Variants in TM7SF3 observed in about 807,000 individuals in gnomAD.
TM7SF3 encodes seven span transmembrane protein.
In TM7SF3, 60 loss-of-function variants were observed where a neutral mutation model predicts 65.5. The observed-to-expected ratio is 0.92, with a 90% CI of 0.74 to 1.14. TM7SF3 has a LOEUF of 1.14. Ranked by LOEUF, TM7SF3 falls within the 50% of genes most tolerant of loss-of-function variation. The pLI is 0.00. For missense variants in TM7SF3, 623 were observed against 684.8 expected, an observed-to-expected ratio of 0.91 and a Z score of 1.01; for synonymous variants, 264 against 259.6, an observed-to-expected ratio of 1.02 and a Z score of -0.16.
intron 9 of TM7SF3, chr12:26,978,295 C>T: frequency 5.9e-6 from 1 of 170,848 alleles, no homozygotes; most frequent in Admixed American, 6.4e-5. Context: ...AATTAAGAGA[C>T]CTCTTTATTT....
chr12:26,999,038 A>G (rs1940717611), intron 3 of TM7SF3, among the ~76,000 whole-genome samples: 1 of 152,220 alleles, frequency 6.6e-6, no homozygotes, highest in African/African-American at 2.4e-5. Flanking sequence ...TCGAATGAAT[A>G]AACATGTTCT....
At position 26,999,256 on chromosome 12, in the gene TM7SF3, C is replaced by A. The variant is rs990311737; in HGVS notation, c.397+270G>T. On this transcript the variant is annotated intron_variant, in intron 3 of 11. Coordinates refer to ENST00000343028, the MANE Select transcript of TM7SF3 (RefSeq NM_016551.3). Reference sequence around the variant, plus strand: ...CTAAAAATACAAAAAATTAGCTGGGCCTGGTGGCGGGCGCCTGTAATCCCA... The same window carrying A: ...CTAAAAATACAAAAAATTAGCTGGGACTGGTGGCGGGCGCCTGTAATCCCA... 2.6e-5 allele frequency among the ~76,000 whole-genome samples: 4 copies of A among 151,938 alleles called. 1 individual carries two copies. Among genetic ancestry groups the A allele is most frequent in the Admixed American group, 2.0e-4 (3 of 15,238 alleles).
chr12:26,989,898 A>G lies in TM7SF3; in HGVS notation c.868+552T>C, dbSNP rs185750925. Among the ~76,000 whole-genome samples the G allele has an allele frequency of 1.9e-3, 293 of 152,320 alleles. 1 individual carries two copies. Among genetic ancestry groups the G allele is most frequent in the African/African-American group, 6.8e-3 (281 of 41,572 alleles). On this transcript the variant is annotated intron_variant, in intron 6 of 11. Transcript: ENST00000343028. The stretch of plus-strand genomic sequence containing the variant: ...TTTCCCTTTCATTCAGAATAGAAGC[A>G]AAATCCCATACTACAGTCTACAAGG...
Position 27,014,202 on chromosome 12 carries a change from C to A in TM7SF3, c.-34G>T. 1 of 1,548,290 alleles carries A rather than the reference C, an allele frequency of 6.5e-7. No individual in the cohort carries two copies. On this transcript the variant is annotated 5_prime_UTR_variant, in exon 1 of 12. Transcript: ENST00000343028. ...GGGCCGGGCTGGGCCCACGCCAGGG[C>A]TGGGGAGAGGTGCGGGCGTGCGCGC...
At chr12:26,982,591 G>A (rs1370651996) in intron 7 of TM7SF3, among the ~76,000 whole-genome samples, 182 bp downstream of exon 7, 1 of 152,168 alleles carries the variant, frequency 6.6e-6, no homozygotes, top group Admixed American at 6.5e-5. Context: ...ATACTCCGCT[G>A]TAGGGAGAAT....
chr12:26,991,357 T>C (rs532916990), intron 5 of TM7SF3, among the ~76,000 whole-genome samples: 1 of 151,666 alleles, frequency 6.6e-6, no homozygotes, highest in Admixed American at 6.6e-5. Flanking sequence ...TTTCACCTTG[T>C]TAGCCAGGAT....
At position 26,992,269 on chromosome 12, in the gene TM7SF3, T is replaced by TA. The variant is rs1419350888; in HGVS notation, c.691-1643_691-1642insT. On this transcript the variant is annotated intron_variant, in intron 5 of 11. Transcript: ENST00000343028. ...ATCTAACACAAAGGCTATTTTATTT[T>TA]TTTATTATTATTATTATTATTATTG... 3.4e-3 allele frequency among the ~76,000 whole-genome samples: 524 copies of TA among 152,090 alleles called. 6 individuals carry two copies. The highest frequency in any genetic ancestry group is 0.012 in the African/African-American group (491 of 41,484).
intron 7 of TM7SF3, among the ~76,000 whole-genome samples, chr12:26,981,637 TA>T (rs1219007972): frequency 6.6e-6 from 1 of 152,066 alleles, no homozygotes; most frequent in African/African-American, 2.4e-5. Context: ...TCCCAATTAA[TA>T]AAAAAAGTGT....
At chr12:26,985,593 C>G (rs1296248060) in intron 6 of TM7SF3, among the ~76,000 whole-genome samples, 1 of 131,546 alleles carries the variant, frequency 7.6e-6, no homozygotes. Context: ...CCACTGCACT[C>G]CAGCCTGGGT....
chr12:26,979,214 TTTGTTTTTGA>T (rs1228020106), intron 9 of TM7SF3: 1 of 152,326 alleles, frequency 6.6e-6, no homozygotes, highest in Non-Finnish European at 1.5e-5. Context: ...GCTGTTTTTG[TTTGTTTTTGA>T]CAATAATCAG....
chr12:27,000,682 A>T (rs2136436271), intron 2 of TM7SF3, among the ~76,000 whole-genome samples: 1 of 152,164 alleles, frequency 6.6e-6, no homozygotes, highest in Non-Finnish European at 1.5e-5. Flanking sequence ...GATGGTCTTG[A>T]TCTCCTGACC....
intron 1 of TM7SF3, among the ~76,000 whole-genome samples, chr12:27,011,022 A>T (rs1024779444): frequency 5.9e-5 from 9 of 152,234 alleles, no homozygotes; most frequent in Admixed American, 6.5e-5. Context: ...ATCATAGCCT[A>T]GTCTTCATAA....
Position 26,979,832 on chromosome 12 carries a change from G to A in TM7SF3, c.1141C>T (p.Leu381=). 1 of 1,614,136 alleles carries A rather than the reference G, an allele frequency of 6.2e-7. No homozygotes were observed. The highest frequency in any genetic ancestry group is 8.5e-7 in the Non-Finnish European group (1 of 1,180,014). ...GACGAGATGAGGAACCCCAGCACTA[G>A]TCCAACACAGAGCATGCAGATCGAG... ...ILSICMLCVG[L]VLGFLISSVT... is the part of the protein sequence containing the mutation. Residue 381 remains leucine, a synonymous_variant, in exon 9 of 12, where the codon CTA becomes TTA. Coordinates refer to ENST00000343028, the MANE Select transcript of TM7SF3 (RefSeq NM_016551.3).
In TM7SF3 at chr12:26,974,236, C is replaced by G. The variant is rs1168877513; in HGVS notation, c.1451-9G>C. 1.2e-6 allele frequency: 2 copies of G among 1,611,058 alleles called. No individual in the cohort carries two copies. Among genetic ancestry groups the G allele is most frequent in the Non-Finnish European group, 1.7e-6 (2 of 1,178,598 alleles). ...TGCCAGGATAATGAAGTCTAAAAAA[C>G]AGTAGAAAAAGTACAGTTTGAACTC... On this transcript the variant is annotated splice_polypyrimidine_tract_variant and intron_variant, in intron 11 of 11. Transcript: ENST00000343028.
In TM7SF3 at chr12:26,992,521, T is replaced by A. The variant is rs539028478; in HGVS notation, c.691-1894A>T. On this transcript the variant is annotated intron_variant, in intron 5 of 11. Transcript: ENST00000343028. ...GGATGGGCTCGATCTCCTGACCTTGTGATCCTCCCGCCTTGGCCTCCCAAA... is the reference window on the plus strand; with the variant it reads ...GGATGGGCTCGATCTCCTGACCTTGAGATCCTCCCGCCTTGGCCTCCCAAA... 1.6e-4 allele frequency among the ~76,000 whole-genome samples: 24 copies of A among 152,348 alleles called. 1 individual carries two copies. The South Asian group carries it at 4.8e-3, about 30-fold the overall frequency.
intron 6 of TM7SF3, among the ~76,000 whole-genome samples, chr12:26,985,709 C>T (rs1940045971): frequency 7.4e-6 from 1 of 134,476 alleles, no homozygotes; most frequent in Non-Finnish European, 1.5e-5. Context: ...GCCAAGGTCT[C>T]TTGCATTGTA....
chr12:26,986,120 A>G (rs1026455113), intron 6 of TM7SF3, among the ~76,000 whole-genome samples: 38 of 151,262 alleles, frequency 2.5e-4, no homozygotes, highest in South Asian at 6.2e-4. Context: ...GAGCCACCGC[A>G]CCCGGCCTGC....
At chr12:27,000,841 C>G (rs139587595) in intron 2 of TM7SF3, among the ~76,000 whole-genome samples, 2 of 152,108 alleles carry the variant, frequency 1.3e-5, no homozygotes, top group Non-Finnish European at 2.9e-5. Context: ...ATGCATCACC[C>G]CAAGTTTCCT....
In TM7SF3 at chr12:27,014,353, G is replaced by A. The variant is rs1297414227; in HGVS notation, c.-185C>T. On this transcript the variant is annotated 5_prime_UTR_variant, in exon 1 of 12. Transcript: ENST00000343028. ...CGGCGCGCGCCCCGCCGAACTCCTA[G>A]CCCCAGCGAGAGGTTTCCTCTTCCG... 1 of 370,546 alleles carries A rather than the reference G, an allele frequency of 2.7e-6. No homozygotes were observed. Among genetic ancestry groups the A allele is most frequent in the South Asian group, 1.1e-4 (1 of 8,902 alleles). 23.0% of individuals were successfully genotyped at this position (370,546 alleles called of 1,614,324 possible). A position where few individuals can be genotyped will look rare whatever the true frequency, so the allele number is the denominator to read the frequency against.
Sources: allele counts gnomAD v4.1 joint callset (sites outside exome capture counted in the v4.1 genomes callset), GRCh38; gene constraint gnomAD v4.1.1; transcripts MANE v1.5; gene names NCBI Gene and HGNC (gene_info 2026-07-23, HGNC 2026-07-21).